The following MYO9A variants were observed in gnomAD, a reference collection of about 807,000 sequenced individuals.
The protein encoded by MYO9A is myosin IXA.
Under a neutral mutation model 293.3 loss-of-function variants are expected in MYO9A, and 103 were observed. The ratio of observed to expected loss-of-function variants is 0.35; its 90% confidence interval spans 0.30 to 0.41. MYO9A has a LOEUF of 0.41. Among genes scored for constraint, MYO9A ranks in the 10% least tolerant of loss-of-function variants. MYO9A has a pLI of 1.00. For synonymous variants in MYO9A, 1,001 were observed against 1,035.7 expected (o/e 0.97, Z 0.64); for missense variants, 2,685 against 3,033.0 (o/e 0.89, Z 2.69).
chr15:71,830,111 C>T lies in MYO9A; in HGVS notation c.7038G>A (p.Glu2346=), dbSNP rs1332983190. The T allele has an allele frequency of 6.2e-7, 1 of 1,613,762 alleles. No individual in the cohort carries two copies. Among genetic ancestry groups the T allele is most frequent in the Non-Finnish European group, 8.5e-7 (1 of 1,179,850 alleles). ...LTEQIENLQK[E]KEELTFEMLV... is the part of the protein sequence containing the mutation. ...TCCCCTTCCTCCTGGATACTCACTTCTCCTTCTGTAGGTTCTCAATCTGCT... is the reference window on the plus strand; with the variant it reads ...TCCCCTTCCTCCTGGATACTCACTTTTCCTTCTGTAGGTTCTCAATCTGCT... The change falls in exon 40 of 42, where the codon GAG becomes GAA. Residue 2346 remains glutamate (E), a splice_region_variant and synonymous_variant. Coordinates refer to ENST00000356056, the MANE Select transcript of MYO9A (RefSeq NM_006901.4).
At chr15:72,018,952 T>C in intron 6 of MYO9A, 87 bp downstream of exon 6, 3 of 1,018,226 alleles carry the variant, frequency 2.9e-6, no homozygotes, top group Middle Eastern at 2.1e-4. Flanking sequence ...TTCAGCTGAT[T>C]TGCATTCTAA....
intron 32 of MYO9A, among the ~76,000 whole-genome samples, chr15:71,869,864 T>C (rs2056453069): frequency 6.6e-6 from 1 of 152,182 alleles, no homozygotes; most frequent in Admixed American, 6.5e-5. Flanking sequence ...TTATAGATGC[T>C]TACTATGTGT....
chr15:72,092,810 C>A (rs1164601276), intron 1 of MYO9A, among the ~76,000 whole-genome samples: 1 of 151,664 alleles, frequency 6.6e-6, no homozygotes, highest in Non-Finnish European at 1.5e-5. Context: ...GTAAAAAAAA[C>A]TCTACTAGCT....
intron 1 of MYO9A, among the ~76,000 whole-genome samples, chr15:72,103,677 CAGA>C (rs1461236245): frequency 3.9e-5 from 6 of 152,248 alleles, no homozygotes; most frequent in East Asian, 3.9e-4. Context: ...GCAGCAGAAG[CAGA>C]AGAATTTCAC....
chr15:72,071,418 C>A lies in MYO9A; in HGVS notation c.-71-24784G>T, dbSNP rs564104047. Among the ~76,000 whole-genome samples the A allele has an allele frequency of 2.6e-3, 390 of 152,186 alleles. 1 individual carries two copies. Among genetic ancestry groups the A allele is most frequent in the Admixed American group, 4.0e-3 (61 of 15,260 alleles). Reference sequence around the variant, plus strand: ...AAGAGATGTTGGCAAGTATGTGGAACAAAAGGGAACACTCACACATTTGGT... The same window carrying A: ...AAGAGATGTTGGCAAGTATGTGGAAAAAAAGGGAACACTCACACATTTGGT... On this transcript the variant is annotated intron_variant, in intron 1 of 41. Coordinates refer to ENST00000356056, the MANE Select transcript of MYO9A (RefSeq NM_006901.4).
At position 71,968,080 on chromosome 15, in the gene MYO9A, A is replaced by G. The variant is rs888832098; in HGVS notation, c.1890T>C (p.His630=). Residue 630 remains histidine, a synonymous_variant, in exon 13 of 42, where the codon CAT becomes CAC. Coordinates refer to ENST00000356056, the MANE Select transcript of MYO9A (RefSeq NM_006901.4). The part of the protein sequence containing the change: ...TNQTLLDKFK[H]QHEDNSYIEF... ...CGATGTAAGAATTATCTTCATGTTG[A>G]TGCTTAAACTTGTCTAGCAATGTTT... 3 of 1,611,428 alleles carry G rather than the reference A, an allele frequency of 1.9e-6. No individual in the cohort carries two copies. The African/African-American group carries it at 4.0e-5, about 22-fold the overall frequency.
intron 36 of MYO9A, among the ~76,000 whole-genome samples, 176 bp from the exon 37 acceptor site, chr15:71,851,534 A>G (rs1483811556): frequency 1.3e-5 from 2 of 152,214 alleles, no homozygotes; most frequent in South Asian, 4.1e-4. Context: ...CTTGAGTTCT[A>G]TATTCATAAA....
chr15:71,854,526 G>A lies in MYO9A; in HGVS notation c.6197C>T (p.Ser2066Phe), dbSNP rs1057355552. 2 of 1,609,818 alleles carry A rather than the reference G, an allele frequency of 1.2e-6. No individual in the cohort carries two copies. The highest frequency in any genetic ancestry group is 2.7e-5 in the African/African-American group (2 of 74,746). ...LSSRQFGVELSRLTSEDRTVP... is the reference protein window; with the variant it reads ...LSSRQFGVELFRLTSEDRTVP... Reference sequence around the variant, plus strand: ...AGTTCGGTCTTCACTGGTCAAACGGGACAGTTCAACCCCAAATTGTCGAGA... The same window carrying A: ...AGTTCGGTCTTCACTGGTCAAACGGAACAGTTCAACCCCAAATTGTCGAGA... Residue 2066 changes from serine (S) to phenylalanine (F), a missense_variant, in exon 35 of 42, where the codon TCC becomes TTC. Coordinates refer to ENST00000356056, the MANE Select transcript of MYO9A (RefSeq NM_006901.4).
intron 32 of MYO9A, among the ~76,000 whole-genome samples, chr15:71,871,608 C>A (rs923962876): frequency 6.7e-6 from 1 of 149,358 alleles, no homozygotes; most frequent in African/African-American, 2.5e-5. Context: ...TTGAGCCTGG[C>A]GAGGTTGTGA....
At chr15:71,941,865 C>T (rs141944361) in intron 15 of MYO9A, among the ~76,000 whole-genome samples, 21 of 152,042 alleles carry the variant, frequency 1.4e-4, no homozygotes, top group African/African-American at 5.1e-4. Context: ...CTTTAAAATG[C>T]CAAAAATTTG....
chr15:71,850,706 C>T (rs1444558577), intron 37 of MYO9A, among the ~76,000 whole-genome samples: 2 of 126,340 alleles, frequency 1.6e-5, no homozygotes, highest in African/African-American at 6.1e-5. Context: ...GCGGAGGTTG[C>T]AGTGAGCTGA....
In MYO9A at chr15:71,898,953, G is replaced by A; in HGVS notation, c.3550C>T (p.Leu1184=). 6.2e-7 allele frequency: 1 copy of A among 1,613,950 alleles called. No individual in the cohort carries two copies. The highest frequency in any genetic ancestry group is 8.5e-7 in the Non-Finnish European group (1 of 1,179,880). Reference sequence around the variant, plus strand: ...GAAGGGTCTGAACCCTGAATTTCCAGAGATCCATATCCCTTAATATTCACC... The same window carrying A: ...GAAGGGTCTGAACCCTGAATTTCCAAAGATCCATATCCCTTAATATTCACC... ...GLVNIKGYGS[L]EIQGSDPSGW... is the part of the protein sequence containing the mutation. The change falls in exon 25 of 42, where the codon CTG becomes TTG. Residue 1184 remains leucine, a synonymous_variant. Coordinates refer to ENST00000356056, the MANE Select transcript of MYO9A (RefSeq NM_006901.4).
intron 15 of MYO9A, among the ~76,000 whole-genome samples, chr15:71,941,379 G>A (rs965741919): frequency 3.9e-5 from 6 of 152,164 alleles, no homozygotes; most frequent in African/African-American, 1.2e-4. Flanking sequence ...AGGTTGCAGT[G>A]AGCCAAGATC....
intron 34 of MYO9A, among the ~76,000 whole-genome samples, chr15:71,855,778 C>T (rs1482836700): frequency 6.6e-6 from 1 of 152,086 alleles, no homozygotes; most frequent in African/African-American, 2.4e-5. Context: ...GCGAGTTTTC[C>T]CCATATTCAT....
intron 2 of MYO9A, among the ~76,000 whole-genome samples, chr15:72,039,357 T>C (rs895268212): frequency 6.6e-6 from 1 of 152,184 alleles, no homozygotes; most frequent in Non-Finnish European, 1.5e-5. Flanking sequence ...TTTTGCTTTA[T>C]AGTTGTATAC....
chr15:71,979,720 A>G (rs1371041984), intron 11 of MYO9A, among the ~76,000 whole-genome samples: 5 of 152,218 alleles, frequency 3.3e-5, no homozygotes, highest in Admixed American at 3.3e-4. Flanking sequence ...AAAAAGCCTT[A>G]AAAGATCTGG....
chr15:71,983,462 TTTTA>T (rs1482879977), intron 11 of MYO9A, among the ~76,000 whole-genome samples: 1 of 149,972 alleles, frequency 6.7e-6, no homozygotes, highest in Non-Finnish European at 1.5e-5. Context: ...TTTTTATTTT[TTTTA>T]TTTCTTTTTT....
chr15:71,934,389 T>C (rs2058567370), intron 17 of MYO9A, among the ~76,000 whole-genome samples: 2 of 152,100 alleles, frequency 1.3e-5, no homozygotes. Context: ...ATACTACCTA[T>C]AACTTAAAAG....
chr15:72,075,686 A>G (rs1171703337), intron 1 of MYO9A, among the ~76,000 whole-genome samples: 8 of 152,064 alleles, frequency 5.3e-5, no homozygotes. Context: ...GCACTTCAGG[A>G]GGCCAAGACA....
Sources: gnomAD v4.1 joint callset for allele counts (sites outside exome capture counted in the v4.1 genomes callset) on GRCh38, gnomAD v4.1.1 for gene constraint, MANE v1.5 for transcripts, NCBI Gene and HGNC (gene_info 2026-07-23, HGNC 2026-07-21) for gene names.